The following INPP4B variants were observed in gnomAD, a reference collection of about 807,000 sequenced individuals.
INPP4B encodes the protein inositol polyphosphate-4-phosphatase type II B.
Under a neutral mutation model 122.5 loss-of-function variants are expected in INPP4B, and 55 were observed. The ratio of observed to expected loss-of-function variants is 0.45; its 90% CI spans 0.36 to 0.56. INPP4B has a LOEUF of 0.56. INPP4B is among the 20% of genes least tolerant of loss of function. The pLI, the probability that INPP4B is intolerant of heterozygous loss-of-function variation, is 0.00. For synonymous variants in INPP4B, 403 were observed against 388.7 expected (o/e 1.04, Z -0.43); for missense variants, 1,000 against 1,097.7 (o/e 0.91, Z 1.26).
chr4:142,438,689 A>C (rs1811059652), intron 3 of INPP4B, among the ~76,000 whole-genome samples: 1 of 151,894 alleles, frequency 6.6e-6, no homozygotes, highest in African/African-American at 2.4e-5. Flanking sequence ...ACAAAAGCAA[A>C]ATTGACAAAT....
intron 3 of INPP4B, among the ~76,000 whole-genome samples, chr4:142,443,732 TTAAAG>T (rs1009551266): frequency 2.0e-5 from 3 of 151,702 alleles, no homozygotes; most frequent in Non-Finnish European, 4.4e-5. Context: ...CCAAGAAAGC[TTAAAG>T]TAGAGAGTGG....
intron 5 of INPP4B, among the ~76,000 whole-genome samples, chr4:142,424,202 C>A (rs77594495): frequency 1.3e-5 from 2 of 151,736 alleles, no homozygotes; most frequent in Non-Finnish European, 2.9e-5. Context: ...TTTATGCAAT[C>A]CCTAATATTC....
At chr4:142,698,014 A>C (rs1899565) in intron 2 of INPP4B, among the ~76,000 whole-genome samples, 1 of 151,886 alleles carries the variant, frequency 6.6e-6, no homozygotes, top group Admixed American at 6.6e-5. Context: ...TATAATATGA[A>C]ACATGCTTGA....
chr4:142,440,669 C>T (rs897763927), intron 3 of INPP4B, among the ~76,000 whole-genome samples: 1 of 152,122 alleles, frequency 6.6e-6, no homozygotes, highest in Non-Finnish European at 1.5e-5. Flanking sequence ...CTTTTTCTCT[C>T]ATGGAGCTTT....
chr4:142,735,199 T>C, intron 1 of INPP4B, among the ~76,000 whole-genome samples: 1 of 152,182 alleles, frequency 6.6e-6, no homozygotes, highest in East Asian at 1.9e-4. Context: ...GTCTATTCAA[T>C]TTTAAAGCAT....
intron 5 of INPP4B, among the ~76,000 whole-genome samples, chr4:142,428,714 G>T (rs1438290616): frequency 6.6e-6 from 1 of 151,964 alleles, no homozygotes; most frequent in African/African-American, 2.4e-5. Flanking sequence ...AATGTCACTG[G>T]CATTTTCACA....
At chr4:142,638,196 T>C (rs538888567) in intron 2 of INPP4B, among the ~76,000 whole-genome samples, 1 of 152,306 alleles carries the variant, frequency 6.6e-6, no homozygotes, top group East Asian at 1.9e-4. Flanking sequence ...AATTTCAGTT[T>C]AGTAAAGTCC....
At chr4:142,455,437 G>A (rs1815193168) in intron 3 of INPP4B, among the ~76,000 whole-genome samples, 1 of 152,046 alleles carries the variant, frequency 6.6e-6, no homozygotes, top group East Asian at 1.9e-4. Flanking sequence ...GAGGTTGCCT[G>A]ATTTCACTTA....
chr4:142,776,932 C>G (rs1467491272), intron 1 of INPP4B, among the ~76,000 whole-genome samples: 1 of 152,110 alleles, frequency 6.6e-6, no homozygotes, highest in East Asian at 1.9e-4. Flanking sequence ...GACTGGAACT[C>G]AGTTCAAGGT....
At chr4:142,593,400 C>A (rs896733326) in intron 2 of INPP4B, among the ~76,000 whole-genome samples, 1 of 152,040 alleles carries the variant, frequency 6.6e-6, no homozygotes, top group Non-Finnish European at 1.5e-5. Context: ...ACCACTTGAC[C>A]TTTTTCTTTC....
intron 2 of INPP4B, among the ~76,000 whole-genome samples, chr4:142,521,691 T>C (rs1427747469): frequency 2.0e-5 from 3 of 152,110 alleles, no homozygotes; most frequent in African/African-American, 4.8e-5. Context: ...TTGTCCATGA[T>C]TTTATACTTT....
At chr4:142,426,715 G>GTGTGT (rs1329581288) in intron 5 of INPP4B, 2 of 151,878 alleles carry the variant, frequency 1.3e-5, no homozygotes, top group African/African-American at 4.8e-5. Flanking sequence ...TTATTATATA[G>GTGTGT]CAGCACACAA....
intron 7 of INPP4B, among the ~76,000 whole-genome samples, chr4:142,334,498 G>A (rs1775857361): frequency 6.6e-6 from 1 of 152,162 alleles, no homozygotes; most frequent in African/African-American, 2.4e-5. Context: ...TCATATGGTA[G>A]TTCTATTTTT....
chr4:142,466,011 A>G (rs1241531190), intron 2 of INPP4B, among the ~76,000 whole-genome samples: 6 of 152,288 alleles, frequency 3.9e-5, no homozygotes, highest in African/African-American at 1.4e-4. Flanking sequence ...TAAATTACCT[A>G]GCCTCAGGTA....
At chr4:142,537,361 A>T (rs1828322450) in intron 2 of INPP4B, among the ~76,000 whole-genome samples, 1 of 145,714 alleles carries the variant, frequency 6.9e-6, no homozygotes, top group African/African-American at 2.5e-5. Context: ...ACAAAACAGA[A>T]AAAAAACCAG....
At chr4:142,699,799 T>C (rs1055784623) in intron 2 of INPP4B, among the ~76,000 whole-genome samples, 1 of 152,186 alleles carries the variant, frequency 6.6e-6, no homozygotes, top group South Asian at 2.1e-4. Flanking sequence ...CAACCTCATC[T>C]GCACTTGTAT....
At chr4:142,078,523 G>C (rs1011382486) in intron 25 of INPP4B, among the ~76,000 whole-genome samples, 1 of 152,028 alleles carries the variant, frequency 6.6e-6, no homozygotes, top group South Asian at 2.1e-4. Context: ...ACTGTTCTAG[G>C]TACTGGAAAT....
At chr4:142,186,873 T>G (rs761407546) in intron 15 of INPP4B, among the ~76,000 whole-genome samples, 7 of 152,188 alleles carry the variant, frequency 4.6e-5, no homozygotes, top group Non-Finnish European at 7.3e-5. Context: ...ATTTACTTCA[T>G]ACAGTATGTT....
At chr4:142,659,127 C>T (rs546477798) in intron 2 of INPP4B, among the ~76,000 whole-genome samples, 8 of 151,848 alleles carry the variant, frequency 5.3e-5, no homozygotes, top group South Asian at 4.2e-4. Context: ...GGGCAGGGCA[C>T]GGAGGTTCAC....
Sources: allele counts gnomAD v4.1 joint callset (sites outside exome capture counted in the v4.1 genomes callset), GRCh38; gene constraint gnomAD v4.1.1; transcripts MANE v1.5; gene names NCBI Gene and HGNC (gene_info 2026-07-23, HGNC 2026-07-21).